Variants in HEATR1 observed in about 807,000 individuals in gnomAD.
HEATR1 encodes the protein HEAT repeat-containing protein 1.
Under a neutral mutation model 248.2 loss-of-function variants are expected in HEATR1, and 77 were observed. That is an observed-to-expected ratio of 0.31 (90% CI 0.26 to 0.37). The LOEUF (loss-of-function observed/expected upper bound fraction) is 0.37, where lower values mean the gene tolerates loss of function less well. Among genes scored for constraint, HEATR1 ranks in the 10% least tolerant of loss-of-function variants. The pLI, the probability that HEATR1 is intolerant of heterozygous loss-of-function variation, is 1.00. For missense variants in HEATR1, 2,420 were observed against 2,504.9 expected (o/e 0.97, Z 0.72); for synonymous variants, 897 against 923.1 (o/e 0.97, Z 0.51).
chr1:236,559,051 C>T lies in HEATR1; in HGVS notation c.4855G>A (p.Ala1619Thr), dbSNP rs1469084427. ...GNPLPSVRRK[A>T]LDLLNNKLQQ... The stretch of plus-strand genomic sequence containing the variant: ...AGCTTGTTATTCAAAAGGTCCAGCG[C>T]TTTGCGGCGAACAGATGGCAGGGGA... Residue 1619 changes from alanine to threonine, a missense_variant, in exon 35 of 45, where the codon GCG (alanine) becomes ACG (threonine). Coordinates refer to ENST00000366582, the MANE Select transcript of HEATR1 (RefSeq NM_018072.6). The T allele has an allele frequency of 6.2e-7, 1 of 1,613,012 alleles. No individual in the cohort carries two copies. Among genetic ancestry groups the T allele is most frequent in the Non-Finnish European group, 8.5e-7 (1 of 1,179,830 alleles).
At chr1:236,560,190 G>A (rs1168909026) in intron 33 of HEATR1, among the ~76,000 whole-genome samples, 2 of 152,024 alleles carry the variant, frequency 1.3e-5, no homozygotes, top group Non-Finnish European at 2.9e-5. Context: ...TATGGCCCTA[G>A]GTTAATGGCA....
At position 236,559,908 on chromosome 1, in the gene HEATR1, T is replaced by G. The variant is rs1461723740; in HGVS notation, c.4647-71A>C. 1.4e-5 allele frequency: 20 copies of G among 1,425,380 alleles called. No homozygotes were observed. In the African/African-American group the frequency reaches 2.6e-4, roughly 19 times the overall value. The allele number at this position is 1,425,380 out of a possible 1,614,324, so 88.3% of individuals were successfully genotyped here. A position where few individuals can be genotyped will look rare whatever the true frequency, so the allele number is the denominator to read the frequency against. On this transcript the variant is annotated intron_variant, in intron 33 of 44. Coordinates refer to ENST00000366582, the MANE Select transcript of HEATR1 (RefSeq NM_018072.6). ...AGAGAACTTGTTCATGTCTACCTTA[T>G]GCTAAATGTTTCAAGTAGAAAGACG...
In HEATR1 at chr1:236,604,109, G is replaced by A. The variant is rs764381277; in HGVS notation, c.-14C>T. 5.2e-6 allele frequency: 8 copies of A among 1,548,236 alleles called. No homozygotes were observed. Among genetic ancestry groups the A allele is most frequent in the Non-Finnish European group, 6.1e-6 (7 of 1,155,478 alleles). ...TAAGGACGTCATCTTTCACGCCAGC[G>A]GAGTTTTAATGACACGGGCTAAAAA... On this transcript the variant is annotated 5_prime_UTR_variant, in exon 2 of 45. Transcript: ENST00000366582.
chr1:236,582,654 C>G, intron 19 of HEATR1, 82 bp downstream of exon 19: 1 of 1,439,894 alleles, frequency 6.9e-7, no homozygotes, highest in Non-Finnish European at 9.7e-7. Flanking sequence ...CCGCCTGCCT[C>G]GGCCTCCCAA....
chr1:236,594,248 A>C, intron 8 of HEATR1, 134 bp from the exon 9 acceptor site: 1 of 560,354 alleles, frequency 1.8e-6, no homozygotes, highest in Non-Finnish European at 3.1e-6. Flanking sequence ...ATCTATTTGC[A>C]CAAGTGCATT....
At chr1:236,553,512 C>A in intron 43 of HEATR1, 69 bp downstream of exon 43, 1 of 1,468,252 alleles carries the variant, frequency 6.8e-7, no homozygotes, top group South Asian at 1.3e-5. Context: ...ACATCTGTGA[C>A]CACCTGCAGG....
chr1:236,573,465 T>C (rs185963876), intron 24 of HEATR1, among the ~76,000 whole-genome samples: 146 of 152,266 alleles, frequency 9.6e-4, no homozygotes, highest in East Asian at 2.5e-3. Context: ...AGAAAACAAC[T>C]ATAAAAAATA....
In HEATR1 at chr1:236,553,626, TG is replaced by T; in HGVS notation, c.6191del (p.Pro2064HisfsTer2). 1 of 1,614,116 alleles carries T rather than the reference TG, an allele frequency of 6.2e-7. No homozygotes were observed. Among genetic ancestry groups the T allele is most frequent in the Non-Finnish European group, 8.5e-7 (1 of 1,180,006 alleles). On this transcript the variant is annotated frameshift_variant, in exon 43 of 45. Coordinates refer to ENST00000366582, the MANE Select transcript of HEATR1 (RefSeq NM_018072.6). LOFTEE classifies it high-confidence loss of function. ...TCTTTAGCAGAATCTGGTAGTTCAG[TG>T]GTTTCCAAAGAGAGTCATCCGCCAT... ...VAMADDSLWK[P>X]LNYQILLKTR...
Position 236,557,345 on chromosome 1 carries a change from G to A in HEATR1, c.5205C>T (p.Ser1735=), listed in dbSNP as rs765155628. The A allele has an allele frequency of 2.5e-6, 4 of 1,613,756 alleles. No homozygotes were observed. The South Asian group carries it at 3.3e-5, about 13-fold the overall frequency. The change falls in exon 37 of 45, where the codon AGC becomes AGT. Residue 1735 remains serine (S), a splice_region_variant and synonymous_variant. Transcript: ENST00000366582. ...LEALAIPQLP[S]LMPSLLTTMK... ...TTGTTGTCAGCAACGATGGCATCAG[G>A]CTAGAAACAAAGTAAGAGCTTTAGA...
In HEATR1 at chr1:236,556,224, C is replaced by G. The variant is rs1339013903; in HGVS notation, c.5390G>C (p.Gly1797Ala). 3.7e-6 allele frequency: 6 copies of G among 1,613,920 alleles called. No homozygotes were observed. Among genetic ancestry groups the G allele is most frequent in the Non-Finnish European group, 5.1e-6 (6 of 1,180,018 alleles). ...ACGGATATTAGCCTGTGACGCAGAA[C>G]CCATTTCACTAGTGATTTTCTCCAG... ...IHLEKITSEM[G>A]SASQANIRLT... is the part of the protein sequence containing the mutation. The change falls in exon 38 of 45, where the codon GGT (glycine) becomes GCT (alanine). Residue 1797 changes from glycine to alanine, a missense_variant. Coordinates refer to ENST00000366582, the MANE Select transcript of HEATR1 (RefSeq NM_018072.6).
Position 236,603,312 on chromosome 1 carries a change from C to T in HEATR1, c.207G>A (p.Leu69=). ...CCAAGGTTTTTGCTAGCTGACTGAA[C>T]AACGGTGCTTCAAACTGCTCAAAGG... is the stretch of plus-strand genomic sequence containing the variant. ...DPSFEQFEAP[L]FSQLAKTLER... Residue 69 remains leucine (L), a synonymous_variant, in exon 3 of 45, where the codon TTG becomes TTA. Coordinates refer to ENST00000366582, the MANE Select transcript of HEATR1 (RefSeq NM_018072.6). 6.2e-7 allele frequency: 1 copy of T among 1,614,182 alleles called. No individual in the cohort carries two copies. Among genetic ancestry groups the T allele is most frequent in the Non-Finnish European group, 8.5e-7 (1 of 1,180,014 alleles).
intron 14 of HEATR1, among the ~76,000 whole-genome samples, chr1:236,586,775 G>A (rs1310174512): frequency 6.6e-6 from 1 of 150,680 alleles, no homozygotes; most frequent in Non-Finnish European, 1.5e-5. Flanking sequence ...AATCACTAGA[G>A]GTTAACTATA....
At chr1:236,560,031 G>C (rs1663086532) in intron 33 of HEATR1, among the ~76,000 whole-genome samples, 194 bp from the exon 34 acceptor site, 1 of 152,202 alleles carries the variant, frequency 6.6e-6, no homozygotes, top group African/African-American at 2.4e-5. Context: ...GAAGTAACTA[G>C]GCGCTTCTGT....
Position 236,564,570 on chromosome 1 carries a change from T to C in HEATR1, c.4527A>G (p.Gln1509=), listed in dbSNP as rs1294028344. 12 of 1,614,022 alleles carry C rather than the reference T, an allele frequency of 7.4e-6. No homozygotes were observed. The highest frequency in any genetic ancestry group is 1.0e-5 in the Non-Finnish European group (12 of 1,179,996). ...VFNVETHTSK[Q]LRHFKFLSVS... ...CTGACAAAAATTTAAAATGCCGCAG[T>C]TGCTTGCTAGTGTGAGTCTCTACAT... Residue 1509 remains glutamine (Q), a synonymous_variant, in exon 32 of 45, where the codon CAA becomes CAG. Coordinates refer to ENST00000366582, the MANE Select transcript of HEATR1 (RefSeq NM_018072.6).
intron 20 of HEATR1, among the ~76,000 whole-genome samples, chr1:236,577,210 G>A (rs766388105): frequency 6.6e-6 from 1 of 152,186 alleles, no homozygotes; most frequent in Non-Finnish European, 1.5e-5. Flanking sequence ...ATTGCGCAAT[G>A]GTGCAATCTC....
intron 28 of HEATR1, 71 bp from the exon 29 acceptor site, chr1:236,569,195 G>A: frequency 7.9e-7 from 1 of 1,258,632 alleles, no homozygotes; most frequent in Non-Finnish European, 1.1e-6. Flanking sequence ...TCAAGAGATA[G>A]CGTCTCGCTC....
At position 236,549,173 on chromosome 1, in the gene HEATR1, C is replaced by T. The variant is rs998157494; in HGVS notation, c.*1729G>A. The T allele has an allele frequency of 4.3e-5, 17 of 393,306 alleles. No individual in the cohort carries two copies. Among genetic ancestry groups the T allele is most frequent in the African/African-American group, 1.6e-4 (8 of 48,516 alleles). The allele number at this position is 393,306 out of a possible 1,614,324, so 24.4% of individuals were successfully genotyped here. A position where few individuals can be genotyped will look rare whatever the true frequency, so the allele number is the denominator to read the frequency against. On this transcript the variant is annotated 3_prime_UTR_variant, in exon 45 of 45. Transcript: ENST00000366582. ...CCATGAAATCACCAATCAAGGCCTC[C>T]GTTCTTCTAAAGATTAGTCCATCAT...
intron 24 of HEATR1, among the ~76,000 whole-genome samples, chr1:236,573,100 T>A (rs1663471846): frequency 6.6e-6 from 1 of 152,192 alleles, no homozygotes; most frequent in African/African-American, 2.4e-5. Flanking sequence ...AACCAAGCTC[T>A]CCTACTACCA....
At chr1:236,599,667 A>C (rs1664265412) in intron 3 of HEATR1, 43 bp from the exon 4 acceptor site, 10 of 1,547,256 alleles carry the variant, frequency 6.5e-6, no homozygotes, top group Non-Finnish European at 7.9e-6. Flanking sequence ...ACAAAACTTA[A>C]TAATAAGCAC....
Sources: allele counts gnomAD v4.1 joint callset (sites outside exome capture counted in the v4.1 genomes callset), GRCh38; gene constraint gnomAD v4.1.1; transcripts MANE v1.5; gene names NCBI Gene and HGNC (gene_info 2026-07-23, HGNC 2026-07-21).